CFAP20DC: variants seen among roughly 807,000 people sequenced by gnomAD.
CFAP20DC encodes the protein protein CFAP20DC.
A neutral mutation model predicts 101.7 loss-of-function variants in CFAP20DC; 84 were observed. The observed-to-expected ratio is 0.83, with a 90% confidence interval of 0.69 to 0.99. The LOEUF (loss-of-function observed/expected upper bound fraction) is 0.99. Ranked by LOEUF, CFAP20DC falls within the 50% of genes least tolerant of loss-of-function variation. The pLI is 0.00. For missense variants in CFAP20DC, 1,007 were observed against 970.3 expected (o/e 1.04, Z -0.50); for synonymous variants, 359 against 351.2 (o/e 1.02, Z -0.25).
At chr3:58,750,673 C>T (rs1303430955) in intron 16 of CFAP20DC, among the ~76,000 whole-genome samples, 1 of 152,146 alleles carries the variant, frequency 6.6e-6, no homozygotes, top group Non-Finnish European at 1.5e-5. Context: ...AAGTCATTTA[C>T]CTCTTTAGGC....
intron 7 of CFAP20DC, among the ~76,000 whole-genome samples, chr3:58,872,737 A>G (rs750814294): frequency 3.9e-5 from 6 of 152,128 alleles, no homozygotes; most frequent in Non-Finnish European, 8.8e-5. Flanking sequence ...GTCCAACACA[A>G]GGGTTATCTT....
chr3:58,958,932 T>C (rs1348911514), intron 4 of CFAP20DC, among the ~76,000 whole-genome samples: 1 of 151,926 alleles, frequency 6.6e-6, no homozygotes, highest in Non-Finnish European at 1.5e-5. Flanking sequence ...TTATGTCTTT[T>C]GAAACACAAC....
At chr3:59,010,748 C>A (rs922125471) in intron 4 of CFAP20DC, among the ~76,000 whole-genome samples, 1 of 152,140 alleles carries the variant, frequency 6.6e-6, no homozygotes, top group Non-Finnish European at 1.5e-5. Context: ...CCAACAAATG[C>A]AGGATATACA....
chr3:58,887,399 A>T (rs997039006), intron 6 of CFAP20DC: 1 of 152,344 alleles, frequency 6.6e-6, no homozygotes, highest in South Asian at 2.1e-4. Flanking sequence ...AGAATTCTGG[A>T]GGCCAGTGAA....
chr3:58,716,302 C>T (rs1205050250), downstream of CFAP20DC, among the ~76,000 whole-genome samples: 7 of 151,526 alleles, frequency 4.6e-5, no homozygotes, highest in Non-Finnish European at 8.8e-5. Flanking sequence ...GCTGGGACTA[C>T]AGGCGCCCGC....
chr3:58,775,647 A>G (rs2071262268), intron 15 of CFAP20DC, among the ~76,000 whole-genome samples: 2 of 152,168 alleles, frequency 1.3e-5, no homozygotes, highest in African/African-American at 4.8e-5. Flanking sequence ...TAGTCACTCA[A>G]TAAATACTTA....
intron 16 of CFAP20DC, among the ~76,000 whole-genome samples, chr3:58,743,937 CG>C (rs760209804): frequency 8.5e-5 from 13 of 152,130 alleles, no homozygotes; most frequent in Non-Finnish European, 1.6e-4. Context: ...TTCCATGAGC[CG>C]GACACTGAGT....
At chr3:59,044,958 T>C (rs912358081) in intron 3 of CFAP20DC, among the ~76,000 whole-genome samples, 1 of 151,384 alleles carries the variant, frequency 6.6e-6, no homozygotes, top group African/African-American at 2.4e-5. Context: ...TACAAATATA[T>C]ATGGAAATGC....
At chr3:58,746,133 C>A (rs1012614457) in intron 16 of CFAP20DC, among the ~76,000 whole-genome samples, 1 of 152,014 alleles carries the variant, frequency 6.6e-6, no homozygotes, top group South Asian at 2.1e-4. Flanking sequence ...CAGAAAGACC[C>A]CCAATTAGTT....
chr3:59,029,270 T>C (rs531042319), intron 4 of CFAP20DC, among the ~76,000 whole-genome samples: 4 of 152,108 alleles, frequency 2.6e-5, no homozygotes, highest in East Asian at 1.9e-4. Context: ...TTCATGAAAC[T>C]TGAAGTCCAC....
At chr3:58,826,641 G>A (rs1207034573) in intron 14 of CFAP20DC, among the ~76,000 whole-genome samples, 2 of 152,092 alleles carry the variant, frequency 1.3e-5, no homozygotes, top group East Asian at 1.9e-4. Flanking sequence ...AAACTCATCC[G>A]TAAACAAGGA....
intron 15 of CFAP20DC, among the ~76,000 whole-genome samples, chr3:58,798,875 A>G (rs2073454389): frequency 6.6e-6 from 1 of 152,216 alleles, no homozygotes; most frequent in Admixed American, 6.5e-5. Context: ...TTTTTTAGCA[A>G]TAAAGTATTT....
chr3:58,890,203 C>T (rs1234654997), intron 6 of CFAP20DC, among the ~76,000 whole-genome samples: 5 of 149,884 alleles, frequency 3.3e-5, no homozygotes, highest in African/African-American at 7.4e-5. Context: ...ACCTCCCTCC[C>T]GGACGGGGCG....
chr3:58,979,124 G>A (rs1576570123), intron 4 of CFAP20DC, among the ~76,000 whole-genome samples: 1 of 152,172 alleles, frequency 6.6e-6, no homozygotes, highest in African/African-American at 2.4e-5. Context: ...GATATGTTCT[G>A]TCAAGCAAAG....
intron 5 of CFAP20DC, among the ~76,000 whole-genome samples, chr3:58,918,941 C>T (rs1027271610): frequency 6.6e-6 from 1 of 152,190 alleles, no homozygotes; most frequent in Non-Finnish European, 1.5e-5. Context: ...CAATAAATGT[C>T]AATCACAAAA....
chr3:58,983,145 GTTTGT>G (rs1436381657), intron 4 of CFAP20DC, among the ~76,000 whole-genome samples: 1 of 152,172 alleles, frequency 6.6e-6, no homozygotes, highest in African/African-American at 2.4e-5. Flanking sequence ...AATCATTACA[GTTTGT>G]TTTAAGAAAT....
chr3:58,967,831 A>T (rs1326833199), intron 4 of CFAP20DC, among the ~76,000 whole-genome samples: 2 of 152,110 alleles, frequency 1.3e-5, no homozygotes, highest in African/African-American at 4.8e-5. Context: ...AGTACCCAAT[A>T]GTTATCTTTT....
At chr3:58,972,909 T>C (rs1275010741) in intron 4 of CFAP20DC, among the ~76,000 whole-genome samples, 1 of 152,198 alleles carries the variant, frequency 6.6e-6, no homozygotes, top group Non-Finnish European at 1.5e-5. Context: ...AGAAGTATAA[T>C]ACAGTACACA....
In CFAP20DC at chr3:59,039,576, C is replaced by T; in HGVS notation, c.259G>A (p.Asp87Asn). ...TCTTACAGCAATTCAGTGGAGAAGT[C>T]TTGTCCCAGGGGTACGTAAATCTGA... is the stretch of plus-strand genomic sequence containing the variant. Reference protein sequence around the residue: ...VLQIYVPLGQDFSTELLITDL... With the variant: ...VLQIYVPLGQNFSTELLITDL... Residue 87 changes from aspartate (D) to asparagine (N), a missense_variant, in exon 4 of 17, where the codon GAC (aspartate) becomes AAC (asparagine). Physicochemically the swap from Asp to Asn is conservative, Grantham distance 23. Transcript: ENST00000482387. The T allele has an allele frequency of 6.6e-7, 1 of 1,526,478 alleles. No individual in the cohort carries two copies. The allele number at this position is 1,526,478 out of a possible 1,614,324, so 94.6% of individuals were successfully genotyped here.
Sources: allele counts gnomAD v4.1 joint callset (sites outside exome capture counted in the v4.1 genomes callset), GRCh38; gene constraint gnomAD v4.1.1; transcripts MANE v1.5; gene names NCBI Gene and HGNC (gene_info 2026-07-23, HGNC 2026-07-21).